The following ARL15 variants were observed in gnomAD, a reference collection of about 807,000 sequenced individuals.
ARL15 encodes ARF like GTPase 15.
Under a neutral mutation model 25.2 loss-of-function variants are expected in ARL15, and 19 were observed. The ratio of observed to expected loss-of-function variants is 0.75; its 90% CI spans 0.53 to 1.10. The LOEUF (loss-of-function observed/expected upper bound fraction) is 1.10, where lower values mean the gene tolerates loss of function less well. Among genes scored for constraint, ARL15 ranks in the 50% least tolerant of loss-of-function variants. The probability of loss-of-function intolerance (pLI) is 0.00; values close to 1 mark genes in which losing one functional copy is unlikely to be tolerated. For synonymous variants in ARL15, 94 were observed against 86.8 expected (o/e 1.08, Z -0.46); for missense variants, 220 against 246.0 (o/e 0.89, Z 0.71).
At chr5:54,196,078 T>C (rs1307023999) in intron 1 of ARL15, among the ~76,000 whole-genome samples, 2 of 152,200 alleles carry the variant, frequency 1.3e-5, no homozygotes, top group Non-Finnish European at 2.9e-5. Flanking sequence ...AATTCTATTG[T>C]ATGGCTACCC....
At chr5:54,122,590 T>C (rs1366299387) in intron 3 of ARL15, among the ~76,000 whole-genome samples, 2 of 152,196 alleles carry the variant, frequency 1.3e-5, no homozygotes, top group East Asian at 3.8e-4. Context: ...ATTGGTACTA[T>C]TTTTTTCAGC....
intron 4 of ARL15, among the ~76,000 whole-genome samples, chr5:54,043,023 A>C (rs1335067799): frequency 6.6e-6 from 1 of 152,208 alleles, no homozygotes; most frequent in African/African-American, 2.4e-5. Flanking sequence ...CACCTCTAAC[A>C]GTACAATTAA....
intron 4 of ARL15, among the ~76,000 whole-genome samples, chr5:54,069,123 A>G (rs73112679): frequency 0.094 from 14,248 of 152,216 alleles, 905 homozygotes; most frequent in African/African-American, 0.17. Context: ...TAAATCCAGA[A>G]ATCTGGAACA....
intron 1 of ARL15, among the ~76,000 whole-genome samples, chr5:54,260,681 G>A (rs1300673021): frequency 6.6e-6 from 1 of 152,140 alleles, no homozygotes; most frequent in East Asian, 1.9e-4. Flanking sequence ...TATCTCAAGA[G>A]GGCAGAGTGC....
chr5:54,224,585 T>C (rs921371650), intron 1 of ARL15, among the ~76,000 whole-genome samples: 3 of 152,150 alleles, frequency 2.0e-5, no homozygotes, highest in African/African-American at 4.8e-5. Flanking sequence ...AACATTCAGA[T>C]ACTGGATTGT....
intron 3 of ARL15, among the ~76,000 whole-genome samples, chr5:54,120,388 C>T (rs1245537525): frequency 6.6e-6 from 1 of 152,214 alleles, no homozygotes; most frequent in Non-Finnish European, 1.5e-5. Context: ...AGCCATAATA[C>T]AGCACGTGCT....
At chr5:54,102,932 C>T (rs903149814) in intron 4 of ARL15, among the ~76,000 whole-genome samples, 2 of 152,158 alleles carry the variant, frequency 1.3e-5, no homozygotes, top group Admixed American at 1.3e-4. Context: ...ATTGGTTTAA[C>T]TTCTCATTTA....
chr5:53,947,269 A>G (rs896019731), intron 4 of ARL15, among the ~76,000 whole-genome samples: 2 of 149,212 alleles, frequency 1.3e-5, no homozygotes, highest in Non-Finnish European at 3.0e-5. Flanking sequence ...TTCCCAGGTG[A>G]GGTTCCCTTC....
chr5:53,888,931 T>C (rs1487552945), intron 4 of ARL15, among the ~76,000 whole-genome samples: 1 of 152,084 alleles, frequency 6.6e-6, no homozygotes, highest in Non-Finnish European at 1.5e-5. Flanking sequence ...AGCTCAGAAA[T>C]TGGGACCACT....
chr5:54,018,191 A>C (rs1341835170), intron 4 of ARL15, among the ~76,000 whole-genome samples: 2 of 152,194 alleles, frequency 1.3e-5, no homozygotes, highest in African/African-American at 4.8e-5. Flanking sequence ...TCACAAAACC[A>C]TTAGCTCAAA....
intron 4 of ARL15, among the ~76,000 whole-genome samples, chr5:53,933,500 C>G (rs956224113): frequency 6.6e-6 from 1 of 151,870 alleles, no homozygotes; most frequent in Non-Finnish European, 1.5e-5. Flanking sequence ...AAAAAATTAG[C>G]CTGGCGTGGT....
At chr5:53,970,488 G>A (rs1253350116) in intron 4 of ARL15, among the ~76,000 whole-genome samples, 2 of 124,104 alleles carry the variant, frequency 1.6e-5, no homozygotes, top group African/African-American at 5.6e-5. Flanking sequence ...GAGTGAGAAA[G>A]AGAGAGAGAG....
intron 1 of ARL15, among the ~76,000 whole-genome samples, chr5:54,229,968 A>G (rs775469773): frequency 6.6e-6 from 1 of 152,204 alleles, no homozygotes; most frequent in Non-Finnish European, 1.5e-5. Context: ...CGGGGAGTAA[A>G]GGAGACTGAG....
intron 4 of ARL15, among the ~76,000 whole-genome samples, chr5:53,934,946 C>T (rs1485243974): frequency 2.0e-5 from 3 of 152,120 alleles, no homozygotes; most frequent in African/African-American, 7.2e-5. Flanking sequence ...AAAAATTAGG[C>T]TAATTATGCA....
In ARL15 at chr5:53,964,555, C is replaced by T. The variant is rs189510514; in HGVS notation, c.463-77842G>A. Among the ~76,000 whole-genome samples the T allele has an allele frequency of 2.6e-3, 392 of 152,088 alleles. 2 individuals are homozygous for T. The highest frequency in any genetic ancestry group is 6.6e-3 in the East Asian group (34 of 5,148). Reference sequence around the variant, plus strand: ...TGTTTTGTATTTAGTAGAGACGGGGCTTCACCGTGTTAGCCAGGATGGTCT... The same window carrying T: ...TGTTTTGTATTTAGTAGAGACGGGGTTTCACCGTGTTAGCCAGGATGGTCT... On this transcript the variant is annotated intron_variant, in intron 4 of 4. Coordinates refer to ENST00000504924, the MANE Select transcript of ARL15 (RefSeq NM_019087.3).
At chr5:54,278,777 G>A (rs1223980674) in intron 1 of ARL15, among the ~76,000 whole-genome samples, 1 of 152,102 alleles carries the variant, frequency 6.6e-6, no homozygotes, top group East Asian at 1.9e-4. Flanking sequence ...CTGCTTTTCA[G>A]GGTCTGGAGA....
intron 4 of ARL15, among the ~76,000 whole-genome samples, chr5:53,929,170 C>CAAAAAA (rs3990747): frequency 7.0e-6 from 1 of 142,244 alleles, no homozygotes; most frequent in Non-Finnish European, 1.5e-5. Context: ...AAATAAGTTC[C>CAAAAAA]AAAAAAAAAA....
chr5:54,063,647 T>C (rs1344529687), intron 4 of ARL15, among the ~76,000 whole-genome samples: 3 of 152,238 alleles, frequency 2.0e-5, no homozygotes, highest in African/African-American at 7.2e-5. Context: ...TTTCTTGTTA[T>C]TATGTTTCAC....
intron 4 of ARL15, among the ~76,000 whole-genome samples, chr5:54,010,671 A>T (rs1375622038): frequency 1.3e-5 from 2 of 152,208 alleles, no homozygotes; most frequent in Admixed American, 6.5e-5. Context: ...GCATTATTTT[A>T]TTGATCCCAA....
Sources: allele counts gnomAD v4.1 joint callset (sites outside exome capture counted in the v4.1 genomes callset), GRCh38; gene constraint gnomAD v4.1.1; transcripts MANE v1.5; gene names NCBI Gene and HGNC (gene_info 2026-07-23, HGNC 2026-07-21).